Variants in BBX observed in about 807,000 individuals in gnomAD.
BBX encodes HMG box transcription factor BBX.
Under a neutral mutation model 100.2 loss-of-function variants are expected in BBX, and 30 were observed. The ratio of observed to expected loss-of-function variants is 0.30; its 90% CI spans 0.22 to 0.41. The LOEUF (loss-of-function observed/expected upper bound fraction) is 0.41, where lower values mean the gene tolerates loss of function less well. BBX is among the 10% of genes least tolerant of loss of function. The pLI is 1.00. For synonymous variants in BBX, 376 were observed against 388.1 expected (o/e 0.97, Z 0.37); for missense variants, 1,023 against 1,129.8 (o/e 0.91, Z 1.35).
At chr3:107,730,774 A>G (rs946709873) in intron 6 of BBX, among the ~76,000 whole-genome samples, 1 of 152,190 alleles carries the variant, frequency 6.6e-6, no homozygotes, top group Non-Finnish European at 1.5e-5. Flanking sequence ...TTGCAAATCC[A>G]TGTTCAGAAC....
chr3:107,645,541 G>T (rs2057466394), intron 2 of BBX, among the ~76,000 whole-genome samples: 1 of 152,094 alleles, frequency 6.6e-6, no homozygotes. Context: ...CTTAATTATA[G>T]CCAAAAGGCC....
intron 10 of BBX, among the ~76,000 whole-genome samples, chr3:107,769,534 A>C (rs1392180855): frequency 1.3e-5 from 2 of 152,106 alleles, no homozygotes; most frequent in Admixed American, 1.3e-4. Context: ...CACCTACTGC[A>C]TCTAGGTAAG....
intron 10 of BBX, among the ~76,000 whole-genome samples, chr3:107,767,008 C>T (rs1486014962): frequency 6.6e-6 from 1 of 152,146 alleles, no homozygotes; most frequent in East Asian, 1.9e-4. Context: ...ACAATGAGAA[C>T]ACATGGACAC....
chr3:107,542,829 C>T (rs1576237445), intron 2 of BBX, among the ~76,000 whole-genome samples: 2 of 152,154 alleles, frequency 1.3e-5, no homozygotes. Flanking sequence ...AGGCTTCCCA[C>T]GTGGCATTCA....
intron 2 of BBX, among the ~76,000 whole-genome samples, chr3:107,616,718 G>A (rs1314194339): frequency 6.6e-6 from 1 of 151,994 alleles, no homozygotes; most frequent in Non-Finnish European, 1.5e-5. Flanking sequence ...AATTGTTCAT[G>A]TATTTTCTCC....
intron 3 of BBX, among the ~76,000 whole-genome samples, chr3:107,708,137 C>A (rs1391792201): frequency 6.6e-6 from 1 of 152,138 alleles, no homozygotes; most frequent in Non-Finnish European, 1.5e-5. Context: ...CCTGTGCCAA[C>A]TTTTATTTGT....
intron 10 of BBX, among the ~76,000 whole-genome samples, chr3:107,772,131 C>T (rs1468634851): frequency 6.6e-6 from 1 of 152,084 alleles, no homozygotes; most frequent in South Asian, 2.1e-4. Flanking sequence ...CTTTCGTTTT[C>T]AAGCATTTCG....
intron 5 of BBX, among the ~76,000 whole-genome samples, chr3:107,721,438 G>T (rs2062521294): frequency 6.6e-6 from 1 of 151,824 alleles, no homozygotes; most frequent in Admixed American, 6.6e-5. Flanking sequence ...TCCTCCGTCA[G>T]CCCCTTTTGG....
chr3:107,623,202 C>G (rs1576042818), intron 2 of BBX, among the ~76,000 whole-genome samples: 2 of 152,212 alleles, frequency 1.3e-5, no homozygotes, highest in South Asian at 4.2e-4. Context: ...TGATTGTGCC[C>G]CTACCTGGGG....
Position 107,641,594 on chromosome 3 carries a change from G to T in BBX, c.-83-4242G>T, listed in dbSNP as rs557011713. ...CTGTAATTACTTAGTAGTTACTATG[G>T]TTTACTGCCAAATTATCTAGGGAAC... On this transcript the variant is annotated intron_variant, in intron 2 of 17. Coordinates refer to ENST00000325805, the MANE Select transcript of BBX (RefSeq NM_001142568.3). 5.3e-5 allele frequency among the ~76,000 whole-genome samples: 8 copies of T among 152,220 alleles called. No homozygotes were observed. The East Asian group carries it at 1.3e-3, about 26-fold the overall frequency.
intron 12 of BBX, 112 bp from the exon 13 acceptor site, chr3:107,778,259 C>T: frequency 7.6e-7 from 1 of 1,315,534 alleles, no homozygotes. Context: ...ATTTACTTAC[C>T]TAATTCCCAG....
At chr3:107,637,226 T>C (rs2056901966) in intron 2 of BBX, among the ~76,000 whole-genome samples, 1 of 152,204 alleles carries the variant, frequency 6.6e-6, no homozygotes, top group Non-Finnish European at 1.5e-5. Flanking sequence ...ACATGCTCAC[T>C]TCTACAGCTA....
chr3:107,714,294 C>T (rs970589588), intron 4 of BBX, among the ~76,000 whole-genome samples: 4 of 152,072 alleles, frequency 2.6e-5, no homozygotes, highest in African/African-American at 9.7e-5. Flanking sequence ...CACAATGTAG[C>T]TCAGGCAACC....
rs1263513000 is a variant in BBX, at chr3:107,772,943, G to A, written c.1222G>A (p.Asp408Asn). 7.4e-6 allele frequency: 12 copies of A among 1,612,002 alleles called. No individual in the cohort carries two copies. Among genetic ancestry groups the A allele is most frequent in the Non-Finnish European group, 9.3e-6 (11 of 1,179,528 alleles). ...EEDHKCSHFPDFSYSASSKII... is the reference protein window; with the variant it reads ...EEDHKCSHFPNFSYSASSKII... ...AGATCACAAATGTAGTCATTTTCCTGATTTTTCTTATTCTGCCAGTAGCAA... is the reference window on the plus strand; with the variant it reads ...AGATCACAAATGTAGTCATTTTCCTAATTTTTCTTATTCTGCCAGTAGCAA... The change falls in exon 11 of 18, where the codon GAT (aspartate) becomes AAT (asparagine). Residue 408 changes from aspartate (D) to asparagine (N), a missense_variant. Asp to Asn is a conservative substitution (Grantham distance 23). Transcript: ENST00000325805.
chr3:107,630,423 A>T (rs1481837902), intron 2 of BBX, among the ~76,000 whole-genome samples: 1 of 151,716 alleles, frequency 6.6e-6, no homozygotes, highest in East Asian at 1.9e-4. Flanking sequence ...GCGAGGGGGG[A>T]ACTCTGGTAT....
chr3:107,592,717 A>G (rs893822259), intron 2 of BBX, among the ~76,000 whole-genome samples: 3 of 152,182 alleles, frequency 2.0e-5, no homozygotes, highest in African/African-American at 7.2e-5. Context: ...TCAAATAAGT[A>G]TGTTTAGATT....
intron 17 of BBX, among the ~76,000 whole-genome samples, chr3:107,802,877 T>C (rs1048395646): frequency 6.6e-6 from 1 of 152,166 alleles, no homozygotes; most frequent in Non-Finnish European, 1.5e-5. Context: ...CTGCTCTCCT[T>C]CTCCCCACCC....
intron 2 of BBX, among the ~76,000 whole-genome samples, chr3:107,594,711 T>C (rs985915782): frequency 6.6e-6 from 1 of 152,170 alleles, no homozygotes; most frequent in African/African-American, 2.4e-5. Context: ...TGTTAGGAGA[T>C]TTAAATGAAT....
At chr3:107,680,941 T>G (rs1456488270) in intron 3 of BBX, among the ~76,000 whole-genome samples, 1 of 152,176 alleles carries the variant, frequency 6.6e-6, no homozygotes, top group Non-Finnish European at 1.5e-5. Context: ...GAAGTAGTGT[T>G]TTTCACTGGA....
Sources: gnomAD v4.1 joint callset for allele counts (sites outside exome capture counted in the v4.1 genomes callset) on GRCh38, gnomAD v4.1.1 for gene constraint, MANE v1.5 for transcripts, NCBI Gene and HGNC (gene_info 2026-07-23, HGNC 2026-07-21) for gene names.